Variants in TCERG1L observed in about 807,000 individuals in gnomAD.
TCERG1L encodes the protein transcription elongation regulator 1-like protein.
Under a neutral mutation model 56.3 loss-of-function variants are expected in TCERG1L, and 37 were observed. The ratio of observed to expected loss-of-function variants is 0.66; its 90% CI spans 0.51 to 0.87. The LOEUF (loss-of-function observed/expected upper bound fraction) is 0.87. Among genes scored for constraint, TCERG1L ranks in the 40% least tolerant of loss-of-function variants. The pLI is 0.00. For missense variants in TCERG1L, 799 were observed against 774.2 expected (o/e 1.03, Z -0.38); for synonymous variants, 324 against 326.3 (o/e 0.99, Z 0.08).
At chr10:131,308,141 C>T (rs1045244099) in intron 3 of TCERG1L, 70 bp downstream of exon 3, 4 of 1,370,524 alleles carry the variant, frequency 2.9e-6, no homozygotes, top group Non-Finnish European at 4.0e-6. Context: ...GTATGGTTTT[C>T]ATATCTAAAA....
chr10:131,139,361 A>G (rs1313966413), intron 7 of TCERG1L, among the ~76,000 whole-genome samples: 1 of 152,272 alleles, frequency 6.6e-6, no homozygotes, highest in Non-Finnish European at 1.5e-5. Context: ...ATGTCCATCC[A>G]AGAGGAGGCT....
intron 6 of TCERG1L, chr10:131,155,956 A>G (rs897592670): frequency 6.6e-6 from 1 of 152,208 alleles, no homozygotes; most frequent in African/African-American, 2.4e-5. Context: ...TCTCTGACAT[A>G]ATAAAAGACT....
In TCERG1L at chr10:131,250,909, G is replaced by A. The variant is rs966222451; in HGVS notation, c.856+9350C>T. 1.1e-4 allele frequency among the ~76,000 whole-genome samples: 17 copies of A among 152,210 alleles called. No individual in the cohort carries two copies. The East Asian group carries it at 1.4e-3, about 12-fold the overall frequency. On this transcript the variant is annotated intron_variant, in intron 4 of 11. Transcript: ENST00000368642. ...CTCACGGCTCCATGTGACATAGGAC[G>A]TGCCAGACACATAAAGTCCTTCCCT... is the stretch of plus-strand genomic sequence containing the variant.
chr10:131,131,166 T>C (rs1462763911), intron 8 of TCERG1L, among the ~76,000 whole-genome samples: 1 of 152,058 alleles, frequency 6.6e-6, no homozygotes, highest in Non-Finnish European at 1.5e-5. Context: ...CGAGCCGCGG[T>C]GTCCAGGTTT....
In TCERG1L at chr10:131,260,726, G is replaced by A. The variant is rs1000191705; in HGVS notation, c.671-282C>T. 6.6e-6 allele frequency among the ~76,000 whole-genome samples: 1 copy of A among 152,140 alleles called. No homozygotes were observed. The highest frequency in any genetic ancestry group is 1.5e-5 in the Non-Finnish European group (1 of 68,038). ...GTCACCAGGGGACGAGCCAGGACCC[G>A]GGTGCCTTAAAGAGAAACTGCTTGT... On this transcript the variant is annotated intron_variant, in intron 3 of 11. Transcript: ENST00000368642. This position sits in a 1 kb window ranked among gnomAD's most constrained non-coding sequence, Gnocchi z 5.8.
rs145062369 is a variant in TCERG1L, at chr10:131,187,515, C to T, written c.857-20630G>A. Among the ~76,000 whole-genome samples, 529 of 152,296 alleles carry T rather than the reference C, an allele frequency of 3.5e-3. 2 individuals are homozygous for T. The highest frequency in any genetic ancestry group is 0.012 in the African/African-American group (485 of 41,566). Reference sequence around the variant, plus strand: ...ACCCAGGGCCGGCGCCCATCTCCCACCCCAACTCCCGCCCGTGCTTGAAAA... The same window carrying T: ...ACCCAGGGCCGGCGCCCATCTCCCATCCCAACTCCCGCCCGTGCTTGAAAA... On this transcript the variant is annotated intron_variant, in intron 4 of 11. Coordinates refer to ENST00000368642, the MANE Select transcript of TCERG1L (RefSeq NM_174937.4).
intron 9 of TCERG1L, among the ~76,000 whole-genome samples, chr10:131,107,956 T>TACACACACACACACACACAC (rs59364659): frequency 6.8e-6 from 1 of 146,766 alleles, no homozygotes; most frequent in Non-Finnish European, 1.5e-5. Context: ...CATGTGTGCC[T>TACACACACACACACACACAC]ACACACACAC....
chr10:131,132,336 A>C (rs1163014833), intron 8 of TCERG1L, among the ~76,000 whole-genome samples: 1 of 152,226 alleles, frequency 6.6e-6, no homozygotes, highest in Non-Finnish European at 1.5e-5. Flanking sequence ...GCCAAAACGG[A>C]GGCAGCTCCA....
intron 3 of TCERG1L, among the ~76,000 whole-genome samples, chr10:131,306,767 T>C (rs894425581): frequency 3.9e-5 from 6 of 152,098 alleles, no homozygotes; most frequent in African/African-American, 9.7e-5. Flanking sequence ...TGCCACACAA[T>C]AGTAAGTAAA....
chr10:131,278,296 C>T (rs914668663), intron 3 of TCERG1L, among the ~76,000 whole-genome samples: 12 of 151,896 alleles, frequency 7.9e-5, no homozygotes, highest in Non-Finnish European at 1.5e-4. Flanking sequence ...GAGGCCCCCC[C>T]TCCTGTCCTC....
intron 9 of TCERG1L, among the ~76,000 whole-genome samples, chr10:131,110,450 G>T (rs1304906200): frequency 1.3e-5 from 2 of 152,202 alleles, no homozygotes; most frequent in Non-Finnish European, 2.9e-5. Context: ...TCTCTGGCCA[G>T]CTGAGCTGTG....
chr10:131,170,967 G>A (rs1200901066), intron 4 of TCERG1L, among the ~76,000 whole-genome samples: 5 of 152,164 alleles, frequency 3.3e-5, no homozygotes, highest in Non-Finnish European at 7.3e-5. Flanking sequence ...CCAAGATGGT[G>A]AAACCCTGTC....
In TCERG1L at chr10:131,113,702, C is replaced by T. The variant is rs929607323; in HGVS notation, c.1395+3097G>A. 7.8e-5 allele frequency among the ~76,000 whole-genome samples: 11 copies of T among 141,892 alleles called. 1 individual carries two copies. The highest frequency in any genetic ancestry group is 2.5e-4 in the African/African-American group (10 of 40,286). 93.1% of individuals were successfully genotyped at this position (141,892 alleles called of 152,430 possible). Reference sequence around the variant, plus strand: ...CCCGAGGCTGGGCATTGCTGGGAAGCTGGCCCAGGATCACCTGCAAAGGGA... The same window carrying T: ...CCCGAGGCTGGGCATTGCTGGGAAGTTGGCCCAGGATCACCTGCAAAGGGA... On this transcript the variant is annotated intron_variant, in intron 9 of 11. Transcript: ENST00000368642.
intron 3 of TCERG1L, among the ~76,000 whole-genome samples, chr10:131,262,261 G>A (rs1846243710): frequency 6.6e-6 from 1 of 152,130 alleles, no homozygotes; most frequent in Admixed American, 6.5e-5. Context: ...GGACAGCATC[G>A]CTTCCAGATG....
At chr10:131,263,355 A>G (rs1846251395) in intron 3 of TCERG1L, among the ~76,000 whole-genome samples, 1 of 152,250 alleles carries the variant, frequency 6.6e-6, no homozygotes, top group Non-Finnish European at 1.5e-5. Context: ...TATAAGATAA[A>G]GTAATTATGC....
chr10:131,175,000 A>G (rs1846133674), intron 4 of TCERG1L, among the ~76,000 whole-genome samples: 1 of 101,968 alleles, frequency 9.8e-6, no homozygotes, highest in Non-Finnish European at 2.3e-5. Context: ...TCTGTCCTCC[A>G]TCCCCAGCCA....
chr10:131,123,699 C>T (rs954452060), intron 8 of TCERG1L, among the ~76,000 whole-genome samples: 11 of 152,028 alleles, frequency 7.2e-5, no homozygotes, highest in African/African-American at 2.7e-4. Context: ...CTCTGCTTGC[C>T]CGGCCAGGGG....
chr10:131,211,163 C>G (rs549243011), intron 4 of TCERG1L, among the ~76,000 whole-genome samples: 1 of 152,298 alleles, frequency 6.6e-6, no homozygotes, highest in Admixed American at 6.5e-5. Context: ...ACGGTCAGGG[C>G]CGTATGGCTC....
chr10:131,259,851 C>T (rs570353436), intron 4 of TCERG1L, among the ~76,000 whole-genome samples: 8 of 152,356 alleles, frequency 5.3e-5, no homozygotes, highest in Admixed American at 5.2e-4. Context: ...CAGCACACGG[C>T]TTGGCTCTGC....
Sources: allele counts gnomAD v4.1 joint callset (sites outside exome capture counted in the v4.1 genomes callset), GRCh38; gene constraint gnomAD v4.1.1; non-coding constraint Gnocchi (gnomAD v3.1); transcripts MANE v1.5; gene names NCBI Gene and HGNC (gene_info 2026-07-23, HGNC 2026-07-21).